The following KDM7A variants were observed in gnomAD, a reference collection of about 807,000 sequenced individuals.
KDM7A encodes the protein lysine demethylase 7A.
KDM7A carries 28 observed loss-of-function variants against 114.8 expected under a neutral mutation model. That is an observed-to-expected ratio of 0.24 (90% CI 0.18 to 0.33). The LOEUF (loss-of-function observed/expected upper bound fraction) is 0.33. Among genes scored for constraint, KDM7A ranks in the 10% least tolerant of loss-of-function variants. KDM7A has a pLI of 1.00. For missense variants in KDM7A, 942 were observed against 1,142.5 expected (o/e 0.82, Z 2.53); for synonymous variants, 423 against 397.8 (o/e 1.06, Z -0.75).
At chr7:140,112,399 CAGG>C (rs1396694858) in intron 10 of KDM7A, among the ~76,000 whole-genome samples, 1 of 152,152 alleles carries the variant, frequency 6.6e-6, no homozygotes, top group African/African-American at 2.4e-5. Flanking sequence ...CACCTGAGGT[CAGG>C]AGCTCAAGAC....
At position 140,139,950 on chromosome 7, in the gene KDM7A, T is replaced by C. The variant is rs111913278; in HGVS notation, c.195-760A>G. 1.8e-4 allele frequency among the ~76,000 whole-genome samples: 28 copies of C among 152,264 alleles called. No homozygotes were observed. The East Asian group carries it at 4.8e-3, about 26-fold the overall frequency. On this transcript the variant is annotated intron_variant, in intron 1 of 19. Coordinates refer to ENST00000397560, the MANE Select transcript of KDM7A (RefSeq NM_030647.2). ...TGGGCAAACCTGAGTCATGAGGAAA[T>C]AGAGTGCCTGAATAGTCCTGAACGA...
chr7:140,100,712 A>ACATATG, intron 12 of KDM7A, among the ~76,000 whole-genome samples: 1 of 29,192 alleles, frequency 3.4e-5, no homozygotes, highest in African/African-American at 8.0e-5. Flanking sequence ...ATATATACAC[A>ACATATG]TATATATATA....
At chr7:140,092,100 A>T in intron 18 of KDM7A, 23 bp from the exon 19 acceptor site, 1 of 1,612,366 alleles carries the variant, frequency 6.2e-7, no homozygotes, top group Non-Finnish European at 8.5e-7. Context: ...GAAGGACATG[A>T]GGCTGAATTT....
At chr7:140,168,112 G>A (rs1287969465) in intron 1 of KDM7A, among the ~76,000 whole-genome samples, 2 of 152,190 alleles carry the variant, frequency 1.3e-5, no homozygotes, top group African/African-American at 2.4e-5. Flanking sequence ...AACACATCCT[G>A]ATGACAAGGA....
intron 9 of KDM7A, among the ~76,000 whole-genome samples, chr7:140,117,600 C>G (rs1348601667): frequency 3.3e-5 from 5 of 152,062 alleles, no homozygotes; most frequent in Non-Finnish European, 7.3e-5. Context: ...AATCTCTTAA[C>G]CAGAAGGTTC....
intron 14 of KDM7A, 52 bp downstream of exon 14, chr7:140,098,824 ATAT>A: frequency 1.4e-6 from 2 of 1,435,006 alleles, no homozygotes; most frequent in Non-Finnish European, 1.9e-6. Context: ...GTTACTTTAC[ATAT>A]TATCACATTA....
At chr7:140,137,811 GTC>G (rs1024958052) in intron 2 of KDM7A, among the ~76,000 whole-genome samples, 3 of 152,126 alleles carry the variant, frequency 2.0e-5, no homozygotes, top group African/African-American at 7.2e-5. Context: ...TTGCCAGTAA[GTC>G]TCTTTTGAAA....
At position 140,091,042 on chromosome 7, in the gene KDM7A, T is replaced by A; in HGVS notation, c.*52A>T. 1 of 1,332,204 alleles carries A rather than the reference T, an allele frequency of 7.5e-7. No individual in the cohort carries two copies. The highest frequency in any genetic ancestry group is 1.1e-6 in the Non-Finnish European group (1 of 922,944). 82.5% of individuals were successfully genotyped at this position (1,332,204 alleles called of 1,614,324 possible). On this transcript the variant is annotated 3_prime_UTR_variant, in exon 20 of 20. Coordinates refer to ENST00000397560, the MANE Select transcript of KDM7A (RefSeq NM_030647.2). ...GGGGACAGCGGAAGCTCCAGGCTCCTGCACCCCTAGACTGGTCTCCAAAGG... is the reference window on the plus strand; with the variant it reads ...GGGGACAGCGGAAGCTCCAGGCTCCAGCACCCCTAGACTGGTCTCCAAAGG...
intron 1 of KDM7A, among the ~76,000 whole-genome samples, chr7:140,144,161 G>C (rs1449462717): frequency 6.6e-6 from 1 of 152,156 alleles, no homozygotes; most frequent in Non-Finnish European, 1.5e-5. Flanking sequence ...CTGGCATAAG[G>C]ATAGACACAC....
chr7:140,122,761 G>T (rs1818636277), intron 7 of KDM7A, among the ~76,000 whole-genome samples: 1 of 152,126 alleles, frequency 6.6e-6, no homozygotes. Flanking sequence ...TTTCTTTGAG[G>T]GTCTCTCAAG....
chr7:140,096,713 A>G lies in KDM7A; in HGVS notation c.2216T>C (p.Leu739Pro). 1.9e-6 allele frequency: 3 copies of G among 1,614,184 alleles called. No individual in the cohort carries two copies. The highest frequency in any genetic ancestry group is 2.5e-6 in the Non-Finnish European group (3 of 1,180,024). The change falls in exon 17 of 20, where the codon CTG becomes CCG. Residue 739 changes from leucine (L) to proline (P), a missense_variant. This residue lies in a region of KDM7A where 512 missense variants were observed against 576.6 expected (regional missense o/e 0.89). Coordinates refer to ENST00000397560, the MANE Select transcript of KDM7A (RefSeq NM_030647.2). ...GGAATAGTGCAACCCTGCCATAGAC[A>G]GCATGCCCTGAATAGCTTCTTCCTC... ...STEEEAIQGMLSMAGLHYSTC... is the reference protein window; with the variant it reads ...STEEEAIQGMPSMAGLHYSTC...
chr7:140,137,847 A>G (rs1402001809), intron 2 of KDM7A, among the ~76,000 whole-genome samples: 3 of 152,218 alleles, frequency 2.0e-5, no homozygotes, highest in Non-Finnish European at 4.4e-5. Context: ...TGTCTACTCT[A>G]TTGGAAAAAA....
chr7:140,176,249 G>C lies in KDM7A; in HGVS notation c.194+495C>G, dbSNP rs1794705670. Among the ~76,000 whole-genome samples, 1 of 151,010 alleles carries C rather than the reference G, an allele frequency of 6.6e-6. No homozygotes were observed. The highest frequency in any genetic ancestry group is 2.4e-5 in the African/African-American group (1 of 41,286). On this transcript the variant is annotated intron_variant, in intron 1 of 19. Coordinates refer to ENST00000397560, the MANE Select transcript of KDM7A (RefSeq NM_030647.2). The surrounding 1 kb of genome is among the most constrained non-coding windows in gnomAD (Gnocchi z 4.4). ...GGACCCGCGGCGCGGAGGAGACGCG[G>C]GGCCGGGGCGACCCCATCGCCGCCC...
intron 1 of KDM7A, among the ~76,000 whole-genome samples, chr7:140,139,973 C>T (rs908590306): frequency 4.6e-5 from 7 of 152,112 alleles, no homozygotes; most frequent in African/African-American, 7.2e-5. Flanking sequence ...TAGTCCTGAA[C>T]GATCACTTAG....
At chr7:140,114,314 C>G (rs539746870) in intron 9 of KDM7A, among the ~76,000 whole-genome samples, 1 of 151,268 alleles carries the variant, frequency 6.6e-6, no homozygotes, top group East Asian at 2.0e-4. Context: ...ATTGCAGGCG[C>G]GCGCCACCAC....
At chr7:140,162,642 A>G (rs1243140177) in intron 1 of KDM7A, among the ~76,000 whole-genome samples, 1 of 152,144 alleles carries the variant, frequency 6.6e-6, no homozygotes, top group African/African-American at 2.4e-5. Flanking sequence ...TGTTCTTTAC[A>G]CTTGTCTTTG....
chr7:140,158,764 GA>G (rs1324381232), intron 1 of KDM7A, among the ~76,000 whole-genome samples: 1 of 152,176 alleles, frequency 6.6e-6, no homozygotes, highest in Non-Finnish European at 1.5e-5. Context: ...AAAGCAGAAG[GA>G]AAATCAGCAC....
At chr7:140,129,692 G>A (rs755146307) in intron 3 of KDM7A, 39 bp from the exon 4 acceptor site, 1 of 1,376,868 alleles carries the variant, frequency 7.3e-7, no homozygotes, top group South Asian at 1.2e-5. Context: ...CATTTTTATT[G>A]GTAAGGTCAG....
intron 17 of KDM7A, among the ~76,000 whole-genome samples, chr7:140,096,130 CTTTCT>C (rs1163899960): frequency 1.3e-5 from 2 of 152,104 alleles, no homozygotes; most frequent in African/African-American, 4.8e-5. Flanking sequence ...TTTCCTAATA[CTTTCT>C]TTTCAAGTAG....
Sources: gnomAD v4.1 joint callset for allele counts (sites outside exome capture counted in the v4.1 genomes callset) on GRCh38, gnomAD v4.1.1 for gene constraint, gnomAD v4.1.1 regional missense constraint, Gnocchi (gnomAD v3.1) non-coding constraint, MANE v1.5 for transcripts, NCBI Gene and HGNC (gene_info 2026-07-23, HGNC 2026-07-21) for gene names.